Variants in CTNNA3 observed in about 807,000 individuals in gnomAD.
CTNNA3 encodes the protein catenin alpha-3.
A neutral mutation model predicts 95.7 loss-of-function variants in CTNNA3; 76 were observed. The observed-to-expected ratio is 0.79, with a 90% CI of 0.66 to 0.96. CTNNA3 has a LOEUF of 0.96. Among genes scored for constraint, CTNNA3 ranks in the 40% least tolerant of loss-of-function variants. CTNNA3 has a pLI of 0.00. For synonymous variants in CTNNA3, 431 were observed against 374.4 expected, an observed-to-expected ratio of 1.15 and a Z score of -1.74; for missense variants, 1,191 against 1,089.8, an observed-to-expected ratio of 1.09 and a Z score of -1.31.
At chr10:67,750,291 T>C (rs879082406) in intron 1 of CTNNA3, 3 of 1,521,322 alleles carry the variant, frequency 2.0e-6, no homozygotes, top group Non-Finnish European at 2.7e-6. Context: ...ACCATGGCCA[T>C]CTTTGTGGAG....
chr10:67,510,478 A>G (rs1049237206), intron 5 of CTNNA3, among the ~76,000 whole-genome samples: 3 of 146,602 alleles, frequency 2.0e-5, no homozygotes, highest in African/African-American at 7.6e-5. Context: ...TTTTTTGGTC[A>G]GGTTTGTCAA....
At chr10:66,645,882 G>C (rs1306684457) in intron 9 of CTNNA3, among the ~76,000 whole-genome samples, 1 of 152,154 alleles carries the variant, frequency 6.6e-6, no homozygotes, top group Non-Finnish European at 1.5e-5. Flanking sequence ...AAAAAGGTTG[G>C]GGATCGCTGC....
chr10:66,766,910 C>A (rs1051541025), intron 8 of CTNNA3, among the ~76,000 whole-genome samples: 3 of 152,144 alleles, frequency 2.0e-5, no homozygotes, highest in African/African-American at 7.2e-5. Context: ...ATTAATAGAG[C>A]AAGAAGAATA....
chr10:66,944,311 TAAG>T (rs2132694314), intron 7 of CTNNA3, among the ~76,000 whole-genome samples: 1 of 152,320 alleles, frequency 6.6e-6, no homozygotes, highest in African/African-American at 2.4e-5. Context: ...TGTTCATCCA[TAAG>T]CAGCAACTCC....
At chr10:67,066,035 A>C (rs1331977134) in intron 7 of CTNNA3, among the ~76,000 whole-genome samples, 2 of 152,010 alleles carry the variant, frequency 1.3e-5, no homozygotes, top group Non-Finnish European at 2.9e-5. Context: ...CATTTTAGAG[A>C]ACTGATGATC....
chr10:66,748,716 T>C (rs572617749), intron 9 of CTNNA3, among the ~76,000 whole-genome samples: 43 of 152,216 alleles, frequency 2.8e-4, no homozygotes, highest in Non-Finnish European at 3.7e-4. Flanking sequence ...CAATTTTAGG[T>C]GCTCAAAAAT....
intron 11 of CTNNA3, among the ~76,000 whole-genome samples, chr10:66,471,683 A>G (rs1027212785): frequency 3.3e-5 from 5 of 151,722 alleles, no homozygotes; most frequent in African/African-American, 2.4e-5. Flanking sequence ...GTGACATCAC[A>G]TATAAAGGTC....
At chr10:67,121,159 G>C (rs1339860440) in intron 7 of CTNNA3, among the ~76,000 whole-genome samples, 4 of 151,870 alleles carry the variant, frequency 2.6e-5, no homozygotes, top group African/African-American at 4.8e-5. Flanking sequence ...CTCCCAACTG[G>C]TCAATTCTGT....
At chr10:66,028,968 T>C (rs1260986149) in intron 15 of CTNNA3, among the ~76,000 whole-genome samples, 1 of 151,666 alleles carries the variant, frequency 6.6e-6, no homozygotes, top group African/African-American at 2.4e-5. Context: ...AGTGGAAGAA[T>C]TGGAAGATAA....
At chr10:67,730,745 T>G (rs140814564) in intron 1 of CTNNA3, among the ~76,000 whole-genome samples, 2,015 of 152,246 alleles carry the variant, frequency 0.013, 46 homozygotes, top group African/African-American at 0.046. Flanking sequence ...ATCTGATATT[T>G]AAATATAATG....
intron 9 of CTNNA3, among the ~76,000 whole-genome samples, chr10:66,752,293 T>C (rs1839179291): frequency 6.6e-6 from 1 of 152,094 alleles, no homozygotes; most frequent in African/African-American, 2.4e-5. Context: ...CCCACACATA[T>C]AGGCCAATAG....
intron 7 of CTNNA3, among the ~76,000 whole-genome samples, chr10:67,123,280 T>C (rs1477185973): frequency 6.6e-6 from 1 of 152,146 alleles, no homozygotes; most frequent in Non-Finnish European, 1.5e-5. Flanking sequence ...ATTTAATTTG[T>C]TTAACAAATA....
chr10:66,557,867 C>A (rs867817167), intron 10 of CTNNA3, among the ~76,000 whole-genome samples: 17 of 151,920 alleles, frequency 1.1e-4, no homozygotes, highest in South Asian at 6.2e-4. Flanking sequence ...TTTCCTGTTA[C>A]CAATTTTGAG....
chr10:66,889,543 C>A (rs1253469156), intron 7 of CTNNA3, among the ~76,000 whole-genome samples: 2 of 151,770 alleles, frequency 1.3e-5, no homozygotes, highest in South Asian at 2.1e-4. Flanking sequence ...AAAATAAAGT[C>A]TATTAAAAAA....
At chr10:67,258,112 C>T (rs914350340) in intron 5 of CTNNA3, among the ~76,000 whole-genome samples, 26 of 152,076 alleles carry the variant, frequency 1.7e-4, no homozygotes, top group African/African-American at 6.3e-4. Flanking sequence ...ATCTGCATTT[C>T]CTTGCTCATT....
At chr10:65,969,685 A>T (rs1253767358) in intron 16 of CTNNA3, among the ~76,000 whole-genome samples, 1 of 152,152 alleles carries the variant, frequency 6.6e-6, no homozygotes, top group Non-Finnish European at 1.5e-5. Context: ...GATCTTGAAG[A>T]CCAGTCTTTT....
At chr10:66,267,756 C>T (rs2091189654) in intron 13 of CTNNA3, among the ~76,000 whole-genome samples, 1 of 152,032 alleles carries the variant, frequency 6.6e-6, no homozygotes, top group South Asian at 2.1e-4. Flanking sequence ...CTCCTCAAGA[C>T]TTTTTTCTGT....
chr10:66,650,376 A>G (rs1845850950), intron 9 of CTNNA3, among the ~76,000 whole-genome samples: 1 of 152,348 alleles, frequency 6.6e-6, no homozygotes, highest in African/African-American at 2.4e-5. Flanking sequence ...AATTTCAAAA[A>G]CTTCACAAAT....
At position 66,553,823 on chromosome 10, in the gene CTNNA3, G is replaced by A. The variant is rs188392146; in HGVS notation, c.1375-33050C>T. 2.6e-3 allele frequency among the ~76,000 whole-genome samples: 402 copies of A among 151,984 alleles called. 1 individual carries two copies. The highest frequency in any genetic ancestry group is 9.4e-3 in the African/African-American group (388 of 41,452). On this transcript the variant is annotated intron_variant, in intron 10 of 17. Transcript: ENST00000433211. ...ATTACAGGCGTGAGCCACTGCGCCC[G>A]GCCATGATGAATAATACTTTTACTC... is the stretch of plus-strand genomic sequence containing the variant.
Sources: allele counts gnomAD v4.1 joint callset (sites outside exome capture counted in the v4.1 genomes callset), GRCh38; gene constraint gnomAD v4.1.1; transcripts MANE v1.5; gene names NCBI Gene and HGNC (gene_info 2026-07-23, HGNC 2026-07-21).